ELFN1: variants seen among roughly 807,000 people sequenced by gnomAD.
ELFN1 encodes protein ELFN1.
In ELFN1, 6 loss-of-function variants were observed where a neutral mutation model predicts 7.6. The observed-to-expected ratio is 0.79, with a 90% CI of 0.43 to 1.56. ELFN1 has a LOEUF of 1.56. Among genes scored for constraint, ELFN1 ranks in the 40% most tolerant of loss-of-function variants. The pLI is 0.01. For synonymous variants in ELFN1, 657 were observed against 588.1 expected, an observed-to-expected ratio of 1.12 and a Z score of -1.70; for missense variants, 1,169 against 1,232.2, an observed-to-expected ratio of 0.95 and a Z score of 0.77.
At chr7:1,668,516 C>T (rs1336728168), upstream of ELFN1, among the ~76,000 whole-genome samples, 1 of 152,250 alleles carries the variant, frequency 6.6e-6, no homozygotes, top group African/African-American at 2.4e-5. Context: ...CGGTGGTCAT[C>T]TTCTGCACAA....
At chr7:1,742,929 C>A (rs986798922) in intron 3 of ELFN1, among the ~76,000 whole-genome samples, 4 of 152,258 alleles carry the variant, frequency 2.6e-5, no homozygotes, top group Admixed American at 6.5e-5. Context: ...GAAATACACC[C>A]AGCTGGCTGC....
At chr7:1,699,789 C>T (rs1436551709) in intron 2 of ELFN1, among the ~76,000 whole-genome samples, 2 of 152,144 alleles carry the variant, frequency 1.3e-5, no homozygotes, top group African/African-American at 4.8e-5. Flanking sequence ...CTGCAACCTC[C>T]GCCTCCCAGG....
At chr7:1,743,202 C>T (rs937699446) in intron 3 of ELFN1, among the ~76,000 whole-genome samples, 7 of 152,194 alleles carry the variant, frequency 4.6e-5, no homozygotes, top group Admixed American at 2.6e-4. Flanking sequence ...ACAGCTCGGT[C>T]GCCACATCCT....
At chr7:1,667,790 G>A (rs895734556), upstream of ELFN1, among the ~76,000 whole-genome samples, 7 of 152,152 alleles carry the variant, frequency 4.6e-5, no homozygotes, top group African/African-American at 1.7e-4. The surrounding 1 kb of genome is among the most constrained non-coding windows in gnomAD (Gnocchi z 8.2). Context: ...TGGGTCTGGG[G>A]GAGGGGCAGG....
At chr7:1,743,968 G>C (rs976652979) in intron 3 of ELFN1, among the ~76,000 whole-genome samples, 2 of 152,212 alleles carry the variant, frequency 1.3e-5, no homozygotes, top group Non-Finnish European at 2.9e-5. Flanking sequence ...GGGCTTCAGG[G>C]ACCTCGATTC....
At chr7:1,715,900 C>T (rs1490969793) in intron 3 of ELFN1, among the ~76,000 whole-genome samples, 1 of 152,198 alleles carries the variant, frequency 6.6e-6, no homozygotes, top group Non-Finnish European at 1.5e-5. Context: ...CTCCTCCCTT[C>T]ATAGACCCTA....
chr7:1,688,182 T>G (rs1192699822), intron 2 of ELFN1, 32 bp downstream of exon 2: 10 of 152,100 alleles, frequency 6.6e-5, no homozygotes. Context: ...CCCATTTTTC[T>G]ATTGAGTTGC....
intron 3 of ELFN1, among the ~76,000 whole-genome samples, chr7:1,728,820 G>A (rs1426097050): frequency 6.6e-6 from 1 of 152,156 alleles, no homozygotes; most frequent in Non-Finnish European, 1.5e-5. Context: ...CTCCTGTCGG[G>A]GAAGGGGAGT....
At chr7:1,724,650 CA>C (rs1780130801) in intron 3 of ELFN1, among the ~76,000 whole-genome samples, 2 of 152,292 alleles carry the variant, frequency 1.3e-5, no homozygotes, top group South Asian at 4.2e-4. Flanking sequence ...TTGAGGGACT[CA>C]AGCATAAGTG....
rs1779598158 is a variant in ELFN1, at chr7:1,709,110, C to G, written c.-436C>G. On this transcript the variant is annotated 5_prime_UTR_variant, in exon 3 of 4. Transcript: ENST00000424383. ...GTGCAGGTGCAGCTGCCTTGGCGAC[C>G]ATTTGTCCTACAGTTTGTCCGGACC... 6.6e-6 allele frequency: 1 copy of G among 152,274 alleles called. No homozygotes were observed. Among genetic ancestry groups the G allele is most frequent in the African/African-American group, 2.4e-5 (1 of 41,440 alleles). 9.4% of individuals were successfully genotyped at this position (152,274 alleles called of 1,614,324 possible).
intron 1 of ELFN1, among the ~76,000 whole-genome samples, chr7:1,677,858 T>C (rs1778901589): frequency 6.6e-6 from 1 of 151,946 alleles, no homozygotes; most frequent in Admixed American, 6.6e-5. Flanking sequence ...GGGTTCCTGG[T>C]GGGTCTGGGA....
chr7:1,741,039 A>T (rs556404282), intron 3 of ELFN1, among the ~76,000 whole-genome samples: 1 of 151,396 alleles, frequency 6.6e-6, no homozygotes, highest in East Asian at 2.0e-4. Context: ...CTGAGGCAGG[A>T]GAATCACTTG....
At chr7:1,675,562 C>A (rs1389259088) in intron 1 of ELFN1, among the ~76,000 whole-genome samples, 1 of 152,238 alleles carries the variant, frequency 6.6e-6, no homozygotes, top group Non-Finnish European at 1.5e-5. Context: ...AACACAGATA[C>A]AAACACAGCC....
rs1372251467 is a variant in ELFN1 at position 1,740,902 on chromosome 7, G to A, written c.-293-3402G>A. 6.6e-6 allele frequency among the ~76,000 whole-genome samples: 1 copy of A among 152,200 alleles called. No homozygotes were observed. Among genetic ancestry groups the A allele is most frequent in the African/African-American group, 2.4e-5 (1 of 41,466 alleles). ...CCCAGCACTTTGGGAGGCCAAGGCA[G>A]GTGGATCACCTGAGGTCAGGAGTTC... On this transcript the variant is annotated intron_variant, in intron 3 of 3. Transcript: ENST00000424383. The surrounding 1 kb of genome is among the most constrained non-coding windows in gnomAD (Gnocchi z 5.0).
Position 1,688,150 on chromosome 7 carries a change from G to A in ELFN1, c.-456G>A, listed in dbSNP as rs1338197746. 6.6e-6 allele frequency: 1 copy of A among 151,366 alleles called. No homozygotes were observed. Among genetic ancestry groups the A allele is most frequent in the Non-Finnish European group, 1.5e-5 (1 of 67,956 alleles). 9.4% of individuals were successfully genotyped at this position (151,366 alleles called of 1,614,324 possible). On this transcript the variant is annotated splice_region_variant and 5_prime_UTR_variant, in exon 2 of 4. Coordinates refer to ENST00000424383, the MANE Select transcript of ELFN1 (RefSeq NM_001128636.4). ...GGTCTCCCAAAGTGCTGGGATTACA[G>A]GTATGAGCCACTGCACCTGGCCCCA... is the stretch of plus-strand genomic sequence containing the variant.
rs571983814 is a variant in ELFN1, at chr7:1,713,946, C to T, written c.-294+4694C>T. Among the ~76,000 whole-genome samples the T allele has an allele frequency of 1.2e-4, 19 of 152,236 alleles. No homozygotes were observed. In the South Asian group the frequency reaches 3.9e-3, roughly 32 times the overall value. On this transcript the variant is annotated intron_variant, in intron 3 of 3. Transcript: ENST00000424383. ...GCCAGAGGGTGACAGGCGGCTGTGG[C>T]TGGCATGTTGAGCCGCCGTCCAGAG...
intron 2 of ELFN1, among the ~76,000 whole-genome samples, chr7:1,699,419 C>T (rs1180858058): frequency 6.6e-6 from 1 of 152,146 alleles, no homozygotes; most frequent in Non-Finnish European, 1.5e-5. Flanking sequence ...GGGCAGATCA[C>T]TTGAGCCCGG....
At chr7:1,720,382 C>A (rs1779982115) in intron 3 of ELFN1, among the ~76,000 whole-genome samples, 2 of 152,228 alleles carry the variant, frequency 1.3e-5, no homozygotes, top group Non-Finnish European at 2.9e-5. Flanking sequence ...GCCAGGAGGC[C>A]CATACAGCTG....
At chr7:1,701,092 C>CGT (rs1211554024) in intron 2 of ELFN1, among the ~76,000 whole-genome samples, 1 of 149,808 alleles carries the variant, frequency 6.7e-6, no homozygotes, top group Non-Finnish European at 1.5e-5. Flanking sequence ...TGTGTGTGCG[C>CGT]GTGTGTGTGC....
Sources: allele counts gnomAD v4.1 joint callset (sites outside exome capture counted in the v4.1 genomes callset), GRCh38; gene constraint gnomAD v4.1.1; non-coding constraint Gnocchi (gnomAD v3.1); transcripts MANE v1.5; gene names NCBI Gene and HGNC (gene_info 2026-07-23, HGNC 2026-07-21).